The following DLGAP1 variants were observed in gnomAD, a reference collection of about 807,000 sequenced individuals.
DLGAP1 encodes the protein DLG associated protein 1, also known as disks large-associated protein 1.
Under a neutral mutation model 90.8 loss-of-function variants are expected in DLGAP1, and 11 were observed. The ratio of observed to expected loss-of-function variants is 0.12; its 90% CI spans 0.08 to 0.20. The LOEUF (loss-of-function observed/expected upper bound fraction) is 0.20, where lower values mean the gene tolerates loss of function less well. Ranked by LOEUF, DLGAP1 falls within the 10% of genes least tolerant of loss-of-function variation. The pLI is 1.00. For missense variants in DLGAP1, 1,050 were observed against 1,333.8 expected (o/e 0.79, Z 3.31); for synonymous variants, 558 against 540.7 (o/e 1.03, Z -0.44).
rs561294243 is a variant in DLGAP1 at position 3,908,932 on chromosome 18, T to C, written c.-72-28792A>G. Among the ~76,000 whole-genome samples the C allele has an allele frequency of 9.8e-4, 149 of 152,288 alleles. 1 individual carries two copies. The highest frequency in any genetic ancestry group is 1.3e-3 in the Non-Finnish European group (88 of 68,024). ...ACAGTAATAGGACCCCTCATTCATC[T>C]TCTTCTCTACTGTTCTGGTCACAAG... On this transcript the variant is annotated intron_variant, in intron 3 of 12. Coordinates refer to ENST00000315677, the MANE Select transcript of DLGAP1 (RefSeq NM_004746.4).
intron 3 of DLGAP1, among the ~76,000 whole-genome samples, chr18:3,895,311 ACACACACACATCAT>A (rs2071591690): frequency 6.6e-6 from 1 of 150,772 alleles, no homozygotes; most frequent in African/African-American, 2.5e-5. Context: ...ACACACACAC[ACACACACACATCAT>A]CATCATCATC....
At chr18:3,537,353 A>C (rs2052438772) in intron 9 of DLGAP1, among the ~76,000 whole-genome samples, 1 of 152,168 alleles carries the variant, frequency 6.6e-6, no homozygotes, top group Non-Finnish European at 1.5e-5. Context: ...GGAATCATGT[A>C]GTATTTATTT....
intron 2 of DLGAP1, among the ~76,000 whole-genome samples, chr18:4,088,276 C>A (rs1028412142): frequency 6.6e-6 from 1 of 152,108 alleles, no homozygotes; most frequent in Non-Finnish European, 1.5e-5. Flanking sequence ...TCTCTCTGAT[C>A]TTTTGTGCTG....
intron 4 of DLGAP1, chr18:3,878,329 C>T (rs1031306309): frequency 5.3e-5 from 8 of 152,090 alleles, no homozygotes; most frequent in African/African-American, 1.9e-4. Context: ...TATTTTTATC[C>T]AGGTAACATC....
chr18:4,125,318 TG>T (rs540104451), intron 2 of DLGAP1, among the ~76,000 whole-genome samples: 3 of 151,840 alleles, frequency 2.0e-5, no homozygotes, highest in Admixed American at 6.6e-5. Flanking sequence ...CAGTAGGAAG[TG>T]GGGGGGCTAC....
chr18:3,544,854 C>G (rs2052922423), intron 9 of DLGAP1, among the ~76,000 whole-genome samples: 1 of 152,038 alleles, frequency 6.6e-6, no homozygotes, highest in Admixed American at 6.6e-5. Flanking sequence ...ATCCTCCTAC[C>G]TCAACCTCCT....
chr18:3,559,488 T>G (rs2053947446), intron 9 of DLGAP1, among the ~76,000 whole-genome samples: 1 of 152,162 alleles, frequency 6.6e-6, no homozygotes, highest in African/African-American at 2.4e-5. Flanking sequence ...CTTTTAATAG[T>G]TTTCTATTGA....
At chr18:4,242,519 A>G (rs2078560413) in intron 1 of DLGAP1, among the ~76,000 whole-genome samples, 1 of 152,180 alleles carries the variant, frequency 6.6e-6, no homozygotes, top group African/African-American at 2.4e-5. Flanking sequence ...CCACTTCAAA[A>G]AAAGAGTCAG....
chr18:3,569,519 G>A (rs965859616), intron 8 of DLGAP1, among the ~76,000 whole-genome samples: 2 of 151,876 alleles, frequency 1.3e-5, no homozygotes, highest in African/African-American at 2.4e-5. Context: ...AGAGTCTTAG[G>A]TAGTCACATC....
chr18:4,231,259 G>A (rs1431343821), intron 1 of DLGAP1, among the ~76,000 whole-genome samples: 1 of 152,076 alleles, frequency 6.6e-6, no homozygotes, highest in African/African-American at 2.4e-5. Flanking sequence ...AAGACAAAAT[G>A]CTTGCTGCCA....
intron 9 of DLGAP1, among the ~76,000 whole-genome samples, chr18:3,563,947 T>G (rs1303589958): frequency 6.6e-6 from 1 of 152,236 alleles, no homozygotes; most frequent in Non-Finnish European, 1.5e-5. Flanking sequence ...CTCTTAGAAC[T>G]CTTTTTCATT....
rs560805825 is a variant in DLGAP1 at position 3,587,012 on chromosome 18, C to T, written c.1592-4764G>A. On this transcript the variant is annotated intron_variant, in intron 7 of 12. Transcript: ENST00000315677. ...AAATGAGAAAGAGAAAAAGAGAAAA[C>T]GAGCAGTTTCTATACAGTAAGTGAA... Among the ~76,000 whole-genome samples, 4 of 152,276 alleles carry T rather than the reference C, an allele frequency of 2.6e-5. No homozygotes were observed. The East Asian group carries it at 5.8e-4, about 22-fold the overall frequency.
intron 3 of DLGAP1, among the ~76,000 whole-genome samples, chr18:3,947,729 C>T (rs569667600): frequency 2.2e-4 from 33 of 152,288 alleles, no homozygotes; most frequent in Non-Finnish European, 1.6e-4. Context: ...TGCCCTATAT[C>T]ACATTTCCTT....
At chr18:4,420,437 A>G (rs1014175497) in intron 1 of DLGAP1, among the ~76,000 whole-genome samples, 1 of 152,174 alleles carries the variant, frequency 6.6e-6, no homozygotes, top group Non-Finnish European at 1.5e-5. Context: ...TCTGGCTTAT[A>G]AAAATCTCTT....
rs35860801 is a variant in DLGAP1, at chr18:3,972,505, A to ACT, written c.-73+32610_-73+32611insAG. ...TGAGGCAGTTGAGTCACACACACAC[A>ACT]CACTCTCTCTCTCTCTCTTTCTTTC... On this transcript the variant is annotated intron_variant, in intron 3 of 12. Coordinates refer to ENST00000315677, the MANE Select transcript of DLGAP1 (RefSeq NM_004746.4). Among the ~76,000 whole-genome samples, 164 of 150,644 alleles carry ACT rather than the reference A, an allele frequency of 1.1e-3. 3 individuals are homozygous for ACT. The East Asian group carries it at 0.026, about 24-fold the overall frequency.
At chr18:4,326,234 CAT>C (rs1239686832) in intron 1 of DLGAP1, among the ~76,000 whole-genome samples, 1 of 152,004 alleles carries the variant, frequency 6.6e-6, no homozygotes, top group East Asian at 1.9e-4. Context: ...AGCCAATAAA[CAT>C]ATGAAAAAAT....
intron 2 of DLGAP1, among the ~76,000 whole-genome samples, chr18:4,120,732 CCTT>C (rs34213705): frequency 0.28 from 42,148 of 148,846 alleles, 6,065 homozygotes; most frequent in South Asian, 0.34. Flanking sequence ...CCCTTCCTTC[CCTT>C]CTCCCTCCCT....
At chr18:3,571,664 A>C (rs563852369) in intron 8 of DLGAP1, among the ~76,000 whole-genome samples, 18 of 151,494 alleles carry the variant, frequency 1.2e-4, no homozygotes, top group African/African-American at 3.9e-4. Context: ...AATAGCTGTG[A>C]CTGCAGGCGC....
intron 2 of DLGAP1, among the ~76,000 whole-genome samples, chr18:4,042,668 A>T (rs1208699043): frequency 6.6e-6 from 1 of 152,206 alleles, no homozygotes; most frequent in East Asian, 1.9e-4. Flanking sequence ...TGAACCTCGG[A>T]GGCGAAGGTT....
Sources: allele counts gnomAD v4.1 joint callset (sites outside exome capture counted in the v4.1 genomes callset), GRCh38; gene constraint gnomAD v4.1.1; transcripts MANE v1.5; gene names NCBI Gene and HGNC (gene_info 2026-07-23, HGNC 2026-07-21).